Variants in WWOX observed in about 807,000 individuals in gnomAD.
WWOX encodes the protein WW domain containing oxidoreductase.
A neutral mutation model predicts 46.2 loss-of-function variants in WWOX; 69 were observed. That is an observed-to-expected ratio of 1.49 (90% CI 1.23 to 1.82). The LOEUF (loss-of-function observed/expected upper bound fraction) is 1.82. Among genes scored for constraint, WWOX ranks in the 40% most tolerant of loss-of-function variants. WWOX has a pLI of 0.00. For synonymous variants in WWOX, 359 were observed against 202.6 expected (o/e 1.77, Z -6.56); for missense variants, 919 against 542.6 (o/e 1.69, Z -6.89).
intron 8 of WWOX, among the ~76,000 whole-genome samples, chr16:78,766,882 A>G (rs1481216219): frequency 6.6e-6 from 1 of 152,200 alleles, no homozygotes; most frequent in Non-Finnish European, 1.5e-5. Flanking sequence ...AACCATCAGC[A>G]TTACCTATAC....
At chr16:79,059,545 C>T (rs1455654589) in intron 8 of WWOX, among the ~76,000 whole-genome samples, 1 of 152,192 alleles carries the variant, frequency 6.6e-6, no homozygotes, top group Admixed American at 6.5e-5. Context: ...GGCTGGAGTG[C>T]AATGGCGCGA....
intron 8 of WWOX, among the ~76,000 whole-genome samples, chr16:78,731,040 T>C (rs2048958004): frequency 6.6e-6 from 1 of 152,250 alleles, no homozygotes; most frequent in East Asian, 1.9e-4. Context: ...TCCAACACAT[T>C]ATGTTTAGTG....
intron 8 of WWOX, among the ~76,000 whole-genome samples, chr16:79,198,682 C>T (rs1192573145): frequency 5.3e-5 from 8 of 152,224 alleles, no homozygotes; most frequent in Admixed American, 5.2e-4. Flanking sequence ...CCCACCCCTA[C>T]GTAGTAGCTG....
intron 8 of WWOX, among the ~76,000 whole-genome samples, chr16:79,111,890 C>G (rs1282457369): frequency 2.6e-5 from 4 of 152,160 alleles, no homozygotes; most frequent in Admixed American, 2.6e-4. Flanking sequence ...AGTCCTCAAG[C>G]TTTGAGGGTA....
At chr16:78,951,692 A>T (rs1035376518) in intron 8 of WWOX, among the ~76,000 whole-genome samples, 6 of 152,148 alleles carry the variant, frequency 3.9e-5, no homozygotes, top group African/African-American at 1.2e-4. Flanking sequence ...CTGCGGTTCT[A>T]CCCAGTACCG....
chr16:78,750,202 C>G (rs1312720279), intron 8 of WWOX, among the ~76,000 whole-genome samples: 2 of 152,216 alleles, frequency 1.3e-5, no homozygotes, highest in Non-Finnish European at 2.9e-5. Context: ...TATTCAAAAA[C>G]AGGAAGAAAA....
At chr16:78,199,311 TCAAACAAACAAA>T (rs35182566) in intron 5 of WWOX, among the ~76,000 whole-genome samples, 32 of 150,674 alleles carry the variant, frequency 2.1e-4, no homozygotes, top group South Asian at 2.1e-3. Context: ...AGACTCCATC[TCAAACAAACAAA>T]CAAACAAACA....
rs2044304431 is a variant in WWOX at position 78,556,668 on chromosome 16, C to T, written c.1056+123916C>T. Among the ~76,000 whole-genome samples, 5 of 152,274 alleles carry T rather than the reference C, an allele frequency of 3.3e-5. No homozygotes were observed. In the South Asian group the frequency reaches 1.0e-3, roughly 32 times the overall value. On this transcript the variant is annotated intron_variant, in intron 8 of 8. Coordinates refer to ENST00000566780, the MANE Select transcript of WWOX (RefSeq NM_016373.4). ...TACCGGTGTGTGATTTTGCACAACA[C>T]TGCTTTGTATTTGTTTTCCCTGAGA...
At chr16:78,710,204 C>T (rs1350260423) in intron 8 of WWOX, among the ~76,000 whole-genome samples, 7 of 151,874 alleles carry the variant, frequency 4.6e-5, no homozygotes, top group Non-Finnish European at 1.0e-4. Flanking sequence ...TCAAATCACC[C>T]AGTGGCGTGC....
At chr16:79,118,327 C>T (rs1298973696) in intron 8 of WWOX, among the ~76,000 whole-genome samples, 1 of 152,146 alleles carries the variant, frequency 6.6e-6, no homozygotes, top group Non-Finnish European at 1.5e-5. Context: ...TTAAGTTTGC[C>T]ATCTGATATG....
At chr16:78,571,072 A>G (rs2044704838) in intron 8 of WWOX, among the ~76,000 whole-genome samples, 1 of 152,142 alleles carries the variant, frequency 6.6e-6, no homozygotes, top group Non-Finnish European at 1.5e-5. Flanking sequence ...GAAGGGAAGT[A>G]TTGCTCCTTT....
intron 4 of WWOX, among the ~76,000 whole-genome samples, chr16:78,131,972 ACT>A (rs2033613244): frequency 2.1e-5 from 3 of 142,830 alleles, no homozygotes; most frequent in African/African-American, 7.8e-5. Flanking sequence ...TTTGAATGAC[ACT>A]CTCATTAAGT....
At chr16:78,216,756 G>C (rs990342889) in intron 5 of WWOX, among the ~76,000 whole-genome samples, 1 of 151,792 alleles carries the variant, frequency 6.6e-6, no homozygotes, top group African/African-American at 2.4e-5. Context: ...TTGTGAGACA[G>C]AGCTTTGCTT....
At chr16:78,139,857 A>G (rs993073118) in intron 4 of WWOX, among the ~76,000 whole-genome samples, 24 of 152,194 alleles carry the variant, frequency 1.6e-4, no homozygotes, top group African/African-American at 5.8e-4. Context: ...AGTCATTACT[A>G]GAGGCAACTA....
At chr16:78,998,439 G>C (rs2047032026) in intron 8 of WWOX, among the ~76,000 whole-genome samples, 1 of 152,132 alleles carries the variant, frequency 6.6e-6, no homozygotes, top group East Asian at 1.9e-4. Flanking sequence ...AAGGAACTTG[G>C]AAGACAGTCA....
intron 8 of WWOX, among the ~76,000 whole-genome samples, chr16:78,945,575 GT>G (rs1334012033): frequency 1.3e-5 from 2 of 152,076 alleles, no homozygotes; most frequent in Non-Finnish European, 1.5e-5. Flanking sequence ...TAGTCTTTTG[GT>G]TTTTTCTCTC....
At chr16:79,087,955 C>A (rs2048883936) in intron 8 of WWOX, among the ~76,000 whole-genome samples, 1 of 152,122 alleles carries the variant, frequency 6.6e-6, no homozygotes, top group African/African-American at 2.4e-5. Flanking sequence ...GGTCTGTAGT[C>A]CAAGGCTCCA....
At chr16:78,169,454 TTGAGATCTCAGGACCTC>T (rs1381359989) in intron 5 of WWOX, among the ~76,000 whole-genome samples, 9 of 113,400 alleles carry the variant, frequency 7.9e-5, no homozygotes, top group African/African-American at 1.8e-4. Context: ...ACTCCCTGTC[TTGAGATCTCAGGACCTC>T]TGAGATCTCA....
At chr16:78,391,911 C>T (rs1005521394) in intron 6 of WWOX, among the ~76,000 whole-genome samples, 3 of 151,940 alleles carry the variant, frequency 2.0e-5, no homozygotes, top group Non-Finnish European at 4.4e-5. Flanking sequence ...TCCTCTTTTC[C>T]TCCCTCCCTC....
Sources: allele counts gnomAD v4.1 joint callset (sites outside exome capture counted in the v4.1 genomes callset), GRCh38; gene constraint gnomAD v4.1.1; transcripts MANE v1.5; gene names NCBI Gene and HGNC (gene_info 2026-07-23, HGNC 2026-07-21).